Variants in TSPEAR observed in about 807,000 individuals in gnomAD.
TSPEAR encodes thrombospondin type laminin G domain and EAR repeats, also known as thrombospondin-type laminin G domain and EAR repeat-containing protein.
Under a neutral mutation model 71.6 loss-of-function variants are expected in TSPEAR, and 69 were observed. The ratio of observed to expected loss-of-function variants is 0.96; its 90% CI spans 0.79 to 1.18. The LOEUF is 1.18. TSPEAR is among the 50% of genes most tolerant of loss of function. The pLI is 0.00. For missense variants in TSPEAR, 971 were observed against 894.9 expected (o/e 1.09, Z -1.09); for synonymous variants, 402 against 387.2 (o/e 1.04, Z -0.45).
intron 1 of TSPEAR, chr21:44,637,575 G>T: frequency 6.2e-7 from 1 of 1,613,810 alleles, no homozygotes; most frequent in Non-Finnish European, 8.5e-7. Context: ...AGCCCCTGCT[G>T]CCAGACGGCC....
Position 44,509,298 on chromosome 21 carries a change from A to C in TSPEAR, c.1655T>G (p.Met552Arg), listed in dbSNP as rs587714138. 1.2e-6 allele frequency: 2 copies of C among 1,614,064 alleles called. No individual in the cohort carries two copies. The highest frequency in any genetic ancestry group is 1.7e-5 in the Admixed American group (1 of 60,022). ...GACATAGGAATCATTCTGGACTTGC[A>C]TCTCCACATCGTAGCTGTGACTGTT... ...VANSHSYDVE[M>R]QVQNDSYVIN... Residue 552 changes from methionine (M) to arginine (R), a missense_variant, in exon 10 of 12, where the codon ATG (methionine) becomes AGG (arginine). By Grantham distance (91) the Met-to-Arg change is moderately conservative. Transcript: ENST00000323084.
intron 1 of TSPEAR, among the ~76,000 whole-genome samples, chr21:44,569,190 A>G (rs1420416468): frequency 6.6e-6 from 1 of 152,136 alleles, no homozygotes; most frequent in Admixed American, 6.5e-5. Context: ...AGCACCTGGG[A>G]TGGAGCAGTT....
chr21:44,517,950 C>CTT, intron 9 of TSPEAR: 1 of 428,136 alleles, frequency 2.3e-6, no homozygotes, highest in Non-Finnish European at 4.8e-6. Context: ...TCACCCTCTT[C>CTT]TTTTTTTTCT....
At chr21:44,666,497 G>T (rs782794367) in intron 1 of TSPEAR, 35 of 1,610,676 alleles carry the variant, frequency 2.2e-5, no homozygotes, top group Non-Finnish European at 2.5e-5. Flanking sequence ...GGACGCTGGT[G>T]CAGGAGGGCT....
At chr21:44,673,237 T>C (rs1231529690) in intron 1 of TSPEAR, among the ~76,000 whole-genome samples, 1 of 152,168 alleles carries the variant, frequency 6.6e-6, no homozygotes, top group Admixed American at 6.5e-5. Context: ...CAGGACAGAA[T>C]GGGATGATAT....
intron 1 of TSPEAR, among the ~76,000 whole-genome samples, chr21:44,629,144 G>A (rs182048727): frequency 9.2e-5 from 14 of 152,286 alleles, no homozygotes; most frequent in Admixed American, 3.9e-4. Flanking sequence ...CTGGTGACCC[G>A]GGGCTGCGAT....
chr21:44,512,427 G>A (rs949348453), intron 9 of TSPEAR, among the ~76,000 whole-genome samples: 1 of 152,004 alleles, frequency 6.6e-6, no homozygotes, highest in Non-Finnish European at 1.5e-5. Context: ...CAGAGAACTC[G>A]GTACATCCCT....
intron 7 of TSPEAR, 132 bp from the exon 8 acceptor site, chr21:44,525,971 G>A (rs1372464629): frequency 3.1e-5 from 26 of 852,046 alleles, no homozygotes; most frequent in African/African-American, 1.0e-4. Context: ...ACAGAGGACC[G>A]AGGCCCCCGC....
At position 44,522,790 on chromosome 21, in the gene TSPEAR, T is replaced by C. The variant is rs587734069; in HGVS notation, c.1337-678A>G. Among the ~76,000 whole-genome samples the C allele has an allele frequency of 3.9e-5, 6 of 152,342 alleles. No homozygotes were observed. The South Asian group carries it at 1.2e-3, about 32-fold the overall frequency. On this transcript the variant is annotated intron_variant, in intron 8 of 11. Transcript: ENST00000323084. ...TCAGGAAACAAGGCCATGGAGGCCATCCAGATCCCATGTCCTCGGCAGCTG... is the reference window on the plus strand; with the variant it reads ...TCAGGAAACAAGGCCATGGAGGCCACCCAGATCCCATGTCCTCGGCAGCTG...
intron 1 of TSPEAR, chr21:44,580,657 G>A (rs1978910187): frequency 1.4e-6 from 2 of 1,438,374 alleles, no homozygotes; most frequent in Admixed American, 3.7e-5. Flanking sequence ...AGGAGGGAGT[G>A]AGTGAGTGAG....
At position 44,499,672 on chromosome 21, in the gene TSPEAR, AGGCCCGGGATGCCCTAGGCTG is replaced by A; in HGVS notation, c.*90_*110del. The A allele has an allele frequency of 2.5e-6, 3 of 1,208,598 alleles. No homozygotes were observed. The highest frequency in any genetic ancestry group is 3.3e-6 in the Non-Finnish European group (3 of 901,226). 74.9% of individuals were successfully genotyped at this position (1,208,598 alleles called of 1,614,324 possible). A position where few individuals can be genotyped will look rare whatever the true frequency, so the allele number is the denominator to read the frequency against. On this transcript the variant is annotated 3_prime_UTR_variant, in exon 12 of 12. Transcript: ENST00000323084. Reference sequence around the variant, plus strand: ...CCCACCTGCACCCTGCCTGATGCCCAGGCCCGGGATGCCCTAGGCTGGGCCCACCTGGACGTCCAGGGTCAG... The same window carrying A: ...CCCACCTGCACCCTGCCTGATGCCCAGGCCCACCTGGACGTCCAGGGTCAG...
At chr21:44,540,218 G>A in intron 2 of TSPEAR, 1 of 1,575,540 alleles carries the variant, frequency 6.3e-7, no homozygotes. Context: ...GTGTGTGTGT[G>A]AGTGACTGAG....
At chr21:44,625,171 G>A (rs1209488526) in intron 1 of TSPEAR, among the ~76,000 whole-genome samples, 1 of 152,192 alleles carries the variant, frequency 6.6e-6, no homozygotes, top group Non-Finnish European at 1.5e-5. Flanking sequence ...CATTATTTTA[G>A]GCCCTCAGAG....
rs1270228054 is a variant in TSPEAR at position 44,623,729 on chromosome 21, T to C, written c.83-55724A>G. On this transcript the variant is annotated intron_variant, in intron 1 of 11. Coordinates refer to ENST00000323084, the MANE Select transcript of TSPEAR (RefSeq NM_144991.3). The surrounding 1 kb of genome is among the most constrained non-coding windows in gnomAD (Gnocchi z 4.5). ...CTTCTTTTCTTTCAGACAGTAAATA[T>C]ATCATTCCATCATCCTCTGGCTGCC... Among the ~76,000 whole-genome samples, 6 of 152,234 alleles carry C rather than the reference T, an allele frequency of 3.9e-5. No homozygotes were observed. The highest frequency in any genetic ancestry group is 1.4e-4 in the African/African-American group (6 of 41,472).
At chr21:44,666,175 C>T (rs1200828936) in intron 1 of TSPEAR, 14 of 460,372 alleles carry the variant, frequency 3.0e-5, no homozygotes, top group Non-Finnish European at 5.3e-5. Context: ...AAAGAAAGAC[C>T]AGAAATGCAG....
chr21:44,706,856 AC>A (rs1987951848), intron 1 of TSPEAR, among the ~76,000 whole-genome samples: 1 of 152,126 alleles, frequency 6.6e-6, no homozygotes, highest in Admixed American at 6.5e-5. Context: ...AGAGCCTCCT[AC>A]GCAGACCCCA....
chr21:44,613,520 C>T (rs1190282303), intron 1 of TSPEAR, among the ~76,000 whole-genome samples: 2 of 152,206 alleles, frequency 1.3e-5, no homozygotes, highest in Non-Finnish European at 1.5e-5. Flanking sequence ...AGTCACCTGC[C>T]GGGAAGCTGG....
intron 7 of TSPEAR, 59 bp downstream of exon 7, chr21:44,527,233 G>A: frequency 6.3e-7 from 1 of 1,581,252 alleles, no homozygotes; most frequent in Non-Finnish European, 8.7e-7. Flanking sequence ...GGCCCCGCCT[G>A]TGGACTCGGG....
chr21:44,572,163 G>A (rs1035561659), intron 1 of TSPEAR, among the ~76,000 whole-genome samples: 1 of 152,228 alleles, frequency 6.6e-6, no homozygotes, highest in Non-Finnish European at 1.5e-5. Context: ...GCAAGTCCAC[G>A]TGGAGGGGCA....
Sources: gnomAD v4.1 joint callset for allele counts (sites outside exome capture counted in the v4.1 genomes callset) on GRCh38, gnomAD v4.1.1 for gene constraint, Gnocchi (gnomAD v3.1) non-coding constraint, MANE v1.5 for transcripts, NCBI Gene and HGNC (gene_info 2026-07-23, HGNC 2026-07-21) for gene names.